CENPF: variants seen among roughly 807,000 people sequenced by gnomAD.
The protein encoded by CENPF is centromere protein F, also known as AH antigen.
In CENPF, 214 loss-of-function variants were observed where a neutral mutation model predicts 307.3. The observed-to-expected ratio is 0.70, with a 90% CI of 0.62 to 0.78. The LOEUF is 0.78. Ranked by LOEUF, CENPF falls within the 30% of genes least tolerant of loss-of-function variation. The pLI is 0.00. For missense variants in CENPF, 3,401 were observed against 3,483.9 expected, an observed-to-expected ratio of 0.98 and a Z score of 0.60; for synonymous variants, 1,259 against 1,270.6, an observed-to-expected ratio of 0.99 and a Z score of 0.19.
At chr1:214,661,234 T>G (rs142896798) in intron 19 of CENPF, among the ~76,000 whole-genome samples, 1 of 152,330 alleles carries the variant, frequency 6.6e-6, no homozygotes, top group Non-Finnish European at 1.5e-5. Context: ...TTTGTGCACT[T>G]GCAAATGAGG....
At chr1:214,661,631 C>T (rs181824352) in intron 19 of CENPF, among the ~76,000 whole-genome samples, 6 of 152,262 alleles carry the variant, frequency 3.9e-5, no homozygotes, top group East Asian at 3.9e-4. Context: ...AGGAACCCCT[C>T]GTTTGTTGGG....
At position 214,614,693 on chromosome 1, in the gene CENPF, C is replaced by T; in HGVS notation, c.163-139C>T. 6 of 515,494 alleles carry T rather than the reference C, an allele frequency of 1.2e-5. No homozygotes were observed. The South Asian group carries it at 2.2e-4, about 19-fold the overall frequency. 31.9% of individuals were successfully genotyped at this position (515,494 alleles called of 1,614,324 possible). On this transcript the variant is annotated intron_variant, in intron 2 of 19. Coordinates refer to ENST00000366955, the MANE Select transcript of CENPF (RefSeq NM_016343.4). Reference sequence around the variant, plus strand: ...TCTATTGGCTTCAAAGTGTGATCATCTAAAATTTCTGTGTTCATATGGCTT... The same window carrying T: ...TCTATTGGCTTCAAAGTGTGATCATTTAAAATTTCTGTGTTCATATGGCTT...
At position 214,641,292 on chromosome 1, in the gene CENPF, C is replaced by G. The variant is rs764244207; in HGVS notation, c.2954C>G (p.Ser985Cys). ...GGGACTCTTAAGGAAATTAATGCATCCTTAAATCAAGAGAAGATGAACTTA... is the reference window on the plus strand; with the variant it reads ...GGGACTCTTAAGGAAATTAATGCATGCTTAAATCAAGAGAAGATGAACTTA... ...ENGTLKEINASLNQEKMNLIQ... is the reference protein window; with the variant it reads ...ENGTLKEINACLNQEKMNLIQ... Residue 985 changes from serine to cysteine, a missense_variant, in exon 12 of 20, where the codon TCC becomes TGC. Ser to Cys is a moderately radical substitution (Grantham distance 112). Coordinates refer to ENST00000366955, the MANE Select transcript of CENPF (RefSeq NM_016343.4). 6.8e-6 allele frequency: 11 copies of G among 1,607,268 alleles called. No individual in the cohort carries two copies. The East Asian group carries it at 1.6e-4, about 23-fold the overall frequency.
Position 214,640,488 on chromosome 1 carries a change from A to G in CENPF, c.2150A>G (p.Glu717Gly). Residue 717 changes from glutamate to glycine, a missense_variant, in exon 12 of 20, where the codon GAA becomes GGA. Coordinates refer to ENST00000366955, the MANE Select transcript of CENPF (RefSeq NM_016343.4). ...TTCTCAGATCAGAAACATCAGAAGG[A>G]AATAGAAAATATGTGTTTGAAGACT... ...AEFSDQKHQKEIENMCLKTSQ... is the reference protein window; with the variant it reads ...AEFSDQKHQKGIENMCLKTSQ... The G allele has an allele frequency of 1.2e-6, 2 of 1,614,118 alleles. No homozygotes were observed.
At position 214,657,019 on chromosome 1, in the gene CENPF, G is replaced by A; in HGVS notation, c.8572G>A (p.Asp2858Asn). The change falls in exon 18 of 20, where the codon GAT becomes AAT. Residue 2858 changes from aspartate (D) to asparagine (N), a missense_variant. Coordinates refer to ENST00000366955, the MANE Select transcript of CENPF (RefSeq NM_016343.4). ...ETLEEKTKEA[D>N]EYLDKYCSLL... ...TCTTGAAGAAAAAACCAAGGAGGCA[G>A]ATGAATACTTGGATAAGTACTGTTC... 25 of 1,613,980 alleles carry A rather than the reference G, an allele frequency of 1.5e-5. No individual in the cohort carries two copies. The highest frequency in any genetic ancestry group is 2.1e-5 in the Non-Finnish European group (25 of 1,179,960).
chr1:214,652,534 C>T (rs1289577280), intron 15 of CENPF, among the ~76,000 whole-genome samples: 2 of 150,730 alleles, frequency 1.3e-5, no homozygotes, highest in African/African-American at 4.9e-5. Flanking sequence ...GCCTCTGCCT[C>T]CTGGGTTCAA....
intron 14 of CENPF, among the ~76,000 whole-genome samples, chr1:214,649,439 A>G (rs919382261): frequency 6.6e-6 from 1 of 152,188 alleles, no homozygotes; most frequent in Non-Finnish European, 1.5e-5. Flanking sequence ...ACCTGATTAA[A>G]TTATAAACAT....
At position 214,647,268 on chromosome 1, in the gene CENPF, G is replaced by A. The variant is rs1285929030; in HGVS notation, c.7698G>A (p.Glu2566=). Residue 2566 remains glutamate (E), a synonymous_variant, in exon 13 of 20, where the codon GAG becomes GAA. Coordinates refer to ENST00000366955, the MANE Select transcript of CENPF (RefSeq NM_016343.4). ...LELRNLTVEL[E]QKIQVLQSKN... is the part of the protein sequence containing the mutation. The stretch of plus-strand genomic sequence containing the variant: ...TGAGAAATCTGACAGTGGAATTGGA[G>A]CAGAAGATCCAAGTGCTACAATCCA... The A allele has an allele frequency of 6.2e-7, 1 of 1,614,100 alleles. No homozygotes were observed. Among genetic ancestry groups the A allele is most frequent in the South Asian group, 1.1e-5 (1 of 91,076 alleles).
Position 214,642,825 on chromosome 1 carries a change from A to G in CENPF, c.4487A>G (p.Tyr1496Cys), listed in dbSNP as rs897924560. 6.2e-7 allele frequency: 1 copy of G among 1,613,852 alleles called. No individual in the cohort carries two copies. Among genetic ancestry groups the G allele is most frequent in the African/African-American group, 1.3e-5 (1 of 74,868 alleles). Residue 1496 changes from tyrosine (Y) to cysteine (C), a missense_variant, in exon 12 of 20, where the codon TAC (tyrosine) becomes TGC (cysteine). Physicochemically the swap from Tyr to Cys is radical, Grantham distance 194 (BLOSUM62 -2). Coordinates refer to ENST00000366955, the MANE Select transcript of CENPF (RefSeq NM_016343.4). ...SLSSLGDSSF[Y>C]RALLEQTGDM... ...AGCAGTTTGGGAGACTCCTCCTTTT[A>G]CAGAGCTCTTTTAGAACAGACAGGA...
At chr1:214,616,883 TTC>T (rs1657363765) in intron 3 of CENPF, among the ~76,000 whole-genome samples, 1 of 117,928 alleles carries the variant, frequency 8.5e-6, no homozygotes, top group African/African-American at 3.4e-5. Flanking sequence ...CTTTCTTTCT[TTC>T]TTTCTTTCTT....
intron 7 of CENPF, among the ~76,000 whole-genome samples, 165 bp downstream of exon 7, chr1:214,622,446 A>G (rs1657533896): frequency 6.6e-6 from 1 of 152,234 alleles, no homozygotes; most frequent in South Asian, 2.1e-4. Flanking sequence ...TAAGTTGGGC[A>G]GATCCGGGAT....
chr1:214,637,464 G>A (rs1021847315), intron 10 of CENPF, among the ~76,000 whole-genome samples: 2 of 149,118 alleles, frequency 1.3e-5, no homozygotes, highest in African/African-American at 5.0e-5. Context: ...TATGTGCTGA[G>A]ATTTTTTTTT....
intron 1 of CENPF, chr1:214,605,650 G>C: frequency 1.3e-6 from 2 of 1,547,820 alleles, no homozygotes; most frequent in Non-Finnish European, 1.7e-6. Context: ...CCTTATTGCT[G>C]AGGTCTGGCC....
Position 214,640,191 on chromosome 1 carries a change from T to C in CENPF, c.1853T>C (p.Leu618Pro). Reference sequence around the variant, plus strand: ...GAAGAATTGAAAGAAGAGAAAACTCTGTTTTCTTGTTGGAAAAGTGAAAAC... The same window carrying C: ...GAAGAATTGAAAGAAGAGAAAACTCCGTTTTCTTGTTGGAAAAGTGAAAAC... Reference protein sequence around the residue: ...EYEELKEEKTLFSCWKSENEK... With the variant: ...EYEELKEEKTPFSCWKSENEK... Residue 618 changes from leucine to proline, a missense_variant, in exon 12 of 20, where the codon CTG becomes CCG. Transcript: ENST00000366955. The C allele has an allele frequency of 3.1e-6, 5 of 1,596,626 alleles. No homozygotes were observed. The highest frequency in any genetic ancestry group is 4.3e-6 in the Non-Finnish European group (5 of 1,175,776).
chr1:214,645,692 A>G lies in CENPF; in HGVS notation c.6122A>G (p.Glu2041Gly). 6.2e-7 allele frequency: 1 copy of G among 1,614,190 alleles called. No individual in the cohort carries two copies. Among genetic ancestry groups the G allele is most frequent in the Non-Finnish European group, 8.5e-7 (1 of 1,180,024 alleles). Residue 2041 changes from glutamate to glycine, a missense_variant, in exon 13 of 20, where the codon GAA (glutamate) becomes GGA (glycine). Coordinates refer to ENST00000366955, the MANE Select transcript of CENPF (RefSeq NM_016343.4). ...CTCCAGGAAAAGCTGCAGAGTTTGG[A>G]AAAGGACTCACAGGCACTGTCTTTG... is the stretch of plus-strand genomic sequence containing the variant. ...THLQEKLQSL[E>G]KDSQALSLTK...
In CENPF at chr1:214,659,097, T is replaced by C. The variant is rs1658724758; in HGVS notation, c.9141+69T>C. On this transcript the variant is annotated intron_variant, in intron 19 of 19. Transcript: ENST00000366955. The surrounding 1 kb of genome is among the most constrained non-coding windows in gnomAD (Gnocchi z 4.4). ...ATTGCAGTAGTACCTGGGTGAGGAT[T>C]GGACACTGCACCCCCGATTCAGGAG... The C allele has an allele frequency of 1.3e-6, 2 of 1,533,972 alleles. No individual in the cohort carries two copies. Among genetic ancestry groups the C allele is most frequent in the Admixed American group, 1.7e-5 (1 of 58,726 alleles).
At chr1:214,653,608 T>G (rs1008281665) in intron 16 of CENPF, 1 of 154,462 alleles carries the variant, frequency 6.5e-6, no homozygotes, top group South Asian at 2.0e-4. Context: ...ATACCCACAG[T>G]GTATAGTAAT....
At chr1:214,615,336 A>G (rs17023275) in intron 3 of CENPF, 12,072 of 182,204 alleles carry the variant, frequency 0.066, 485 homozygotes, top group South Asian at 0.14. Flanking sequence ...TTGGTCACTG[A>G]GTAATACAAT....
In CENPF at chr1:214,651,876, C is replaced by T; in HGVS notation, c.8150C>T (p.Thr2717Ile). Residue 2717 changes from threonine to isoleucine, a missense_variant, in exon 15 of 20, where the codon ACA becomes ATA. By Grantham distance (89) the Thr-to-Ile change is moderately conservative (BLOSUM62 -1). Transcript: ENST00000366955. The part of the protein sequence containing the change: ...EKKHQALLLD[T>I]NKQYEVEIQT... The stretch of plus-strand genomic sequence containing the variant: ...AAACACCAGGCTTTGCTTTTGGACA[C>T]AAACAAACAGGTGAAATGTGGGGTT... 6.2e-7 allele frequency: 1 copy of T among 1,602,122 alleles called. No individual in the cohort carries two copies.
Sources: gnomAD v4.1 joint callset for allele counts (sites outside exome capture counted in the v4.1 genomes callset) on GRCh38, gnomAD v4.1.1 for gene constraint, Gnocchi (gnomAD v3.1) non-coding constraint, MANE v1.5 for transcripts, NCBI Gene and HGNC (gene_info 2026-07-23, HGNC 2026-07-21) for gene names.